Variants in RAB30 observed in about 807,000 individuals in gnomAD.
RAB30 encodes the protein RAB30, member RAS oncogene family.
RAB30 carries 9 observed loss-of-function variants against 25.1 expected under a neutral mutation model. The observed-to-expected ratio is 0.36, with a 90% CI of 0.22 to 0.63. The LOEUF (loss-of-function observed/expected upper bound fraction) is 0.63, where lower values mean the gene tolerates loss of function less well. Among genes scored for constraint, RAB30 ranks in the 20% least tolerant of loss-of-function variants. The probability of loss-of-function intolerance (pLI) is 0.69; values close to 1 mark genes in which losing one functional copy is unlikely to be tolerated. For synonymous variants in RAB30, 77 were observed against 86.4 expected (o/e 0.89, Z 0.60); for missense variants, 140 against 243.5 (o/e 0.58, Z 2.83).
chr11:83,002,302 C>T (rs972042505), intron 1 of RAB30, among the ~76,000 whole-genome samples: 2 of 152,184 alleles, frequency 1.3e-5, no homozygotes, highest in African/African-American at 2.4e-5. Context: ...TGCTCCTCAC[C>T]GTGCCCTCCA....
In RAB30 at chr11:83,045,304, T is replaced by C. The variant is rs572511099; in HGVS notation, c.-9+26387A>G. 5.9e-5 allele frequency among the ~76,000 whole-genome samples: 9 copies of C among 152,100 alleles called. No individual in the cohort carries two copies. The East Asian group carries it at 1.3e-3, about 23-fold the overall frequency. On this transcript the variant is annotated intron_variant, in intron 1 of 4. Coordinates refer to ENST00000527633, the MANE Select transcript of RAB30 (RefSeq NM_001286060.2). ...TCCACAACTGTGCCCATATATATAT[T>C]TTTTTTCCTAGAGATAAGATCTTGC...
At chr11:83,055,373 G>A (rs1858437019) in intron 1 of RAB30, among the ~76,000 whole-genome samples, 1 of 152,220 alleles carries the variant, frequency 6.6e-6, no homozygotes, top group Non-Finnish European at 1.5e-5. Flanking sequence ...ATAGAACCAT[G>A]AACTTGGAGA....
intron 1 of RAB30, among the ~76,000 whole-genome samples, chr11:83,007,670 G>C (rs1857213458): frequency 6.6e-6 from 1 of 152,180 alleles, no homozygotes; most frequent in East Asian, 1.9e-4. Flanking sequence ...GAAGGGAAGA[G>C]GCCACCGCTT....
At chr11:83,029,636 A>G (rs923316234) in intron 1 of RAB30, among the ~76,000 whole-genome samples, 5 of 152,140 alleles carry the variant, frequency 3.3e-5, no homozygotes, top group Admixed American at 1.3e-4. Flanking sequence ...ACTCATCTCT[A>G]TATTATTCAT....
intron 2 of RAB30, among the ~76,000 whole-genome samples, chr11:82,996,900 T>C (rs1856969524): frequency 1.3e-5 from 2 of 152,218 alleles, no homozygotes; most frequent in Non-Finnish European, 2.9e-5. Context: ...TGGGGATTAT[T>C]AATTAGTAAC....
At chr11:82,996,470 A>G (rs1856961257) in intron 2 of RAB30, among the ~76,000 whole-genome samples, 1 of 152,230 alleles carries the variant, frequency 6.6e-6, no homozygotes, top group Admixed American at 6.5e-5. Context: ...CAAGTACTTT[A>G]TGAAAATTCA....
intron 1 of RAB30, among the ~76,000 whole-genome samples, chr11:83,022,376 C>G (rs1434226569): frequency 6.6e-6 from 1 of 152,176 alleles, no homozygotes; most frequent in African/African-American, 2.4e-5. Context: ...CCAGGCTGGT[C>G]TTGAACTCCT....
chr11:83,016,896 C>T (rs1418033819), intron 1 of RAB30, among the ~76,000 whole-genome samples: 3 of 152,194 alleles, frequency 2.0e-5, no homozygotes, highest in Admixed American at 6.6e-5. Context: ...TTTATGTGTG[C>T]ACATCTGGCT....
chr11:83,032,281 C>G (rs992361066), intron 1 of RAB30, among the ~76,000 whole-genome samples: 1 of 152,094 alleles, frequency 6.6e-6, no homozygotes, highest in Non-Finnish European at 1.5e-5. Context: ...GTGCTTGCTT[C>G]TTGGTTTTTT....
chr11:82,992,277 T>G (rs1335309601), intron 3 of RAB30: 1 of 456,172 alleles, frequency 2.2e-6, no homozygotes, highest in African/African-American at 2.0e-5. Context: ...ACACTATTTT[T>G]GTTCACTTTT....
chr11:83,062,134 T>G (rs1465147314), intron 1 of RAB30, among the ~76,000 whole-genome samples: 3 of 152,142 alleles, frequency 2.0e-5, no homozygotes, highest in Non-Finnish European at 4.4e-5. Context: ...ATAGTTTTGG[T>G]TTCAGAAAGC....
rs190652641 is a variant in RAB30 at position 83,011,877 on chromosome 11, G to A, written c.-8-14553C>T. 8.2e-4 allele frequency among the ~76,000 whole-genome samples: 124 copies of A among 152,106 alleles called. 2 individuals carry two copies. Among genetic ancestry groups the A allele is most frequent in the Middle Eastern group, 3.4e-3 (1 of 294 alleles). On this transcript the variant is annotated intron_variant, in intron 1 of 4. Transcript: ENST00000527633. ...CCATTCTGCTGCCAAATGCAATGCA[G>A]ACCATCACAGGCCTAATGTGCACCC...
chr11:82,996,017 T>C (rs1470048595), intron 2 of RAB30, among the ~76,000 whole-genome samples: 1 of 152,224 alleles, frequency 6.6e-6, no homozygotes, highest in East Asian at 1.9e-4. Context: ...ATATGACTAA[T>C]GTTAGGTAGA....
chr11:82,982,186 C>G lies in RAB30; in HGVS notation c.591G>C (p.Leu197Phe). Reference protein sequence around the residue: ...LPGEGKSISYLTCCNFN With the variant: ...LPGEGKSISYFTCCNFN ...GCCTTTAGTTGAAATTACAACAAGT[C>G]AAATAGCTGATGCTTTTCCCTTCTC... Residue 197 changes from leucine to phenylalanine, a missense_variant, in exon 5 of 5, where the codon TTG becomes TTC. Coordinates refer to ENST00000527633, the MANE Select transcript of RAB30 (RefSeq NM_001286060.2). 6.2e-7 allele frequency: 1 copy of G among 1,614,174 alleles called. No homozygotes were observed. The highest frequency in any genetic ancestry group is 8.5e-7 in the Non-Finnish European group (1 of 1,180,040).
chr11:83,031,433 C>G (rs1857855854), intron 1 of RAB30, among the ~76,000 whole-genome samples: 1 of 152,122 alleles, frequency 6.6e-6, no homozygotes, highest in Non-Finnish European at 1.5e-5. Flanking sequence ...CCCCATCTTT[C>G]CAATATATTA....
Position 82,973,765 on chromosome 11 carries a change from AAG to A in RAB30, c.*8398_*8399del, listed in dbSNP as rs1338928257. On this transcript the variant is annotated 3_prime_UTR_variant, in exon 5 of 5. Transcript: ENST00000527633. ...TTGATTTGTCAGACTAATTGTTTTT[AAG>A]AGAGATGTGAAAACATACACCCATA... The A allele has an allele frequency of 3.3e-5, 5 of 152,218 alleles. No individual in the cohort carries two copies. Among genetic ancestry groups the A allele is most frequent in the Non-Finnish European group, 5.9e-5 (4 of 68,016 alleles). The allele number at this position is 152,218 out of a possible 1,614,324, so 9.4% of individuals were successfully genotyped here. A position where few individuals can be genotyped will look rare whatever the true frequency, so the allele number is the denominator to read the frequency against.
In RAB30 at chr11:82,982,104, C is replaced by T. The variant is rs1031837819; in HGVS notation, c.*61G>A. 1.2e-4 allele frequency: 185 copies of T among 1,602,556 alleles called. 1 individual carries two copies. The highest frequency in any genetic ancestry group is 3.4e-4 in the Admixed American group (20 of 59,676). ...GAGCCACAGTCATCGCCAGATCTCC[C>T]CAGCATCTCATGGCCCATCAGGGCA... On this transcript the variant is annotated 3_prime_UTR_variant, in exon 5 of 5. Transcript: ENST00000527633.
chr11:82,973,598 A>G lies in RAB30; in HGVS notation c.*8567T>C, dbSNP rs768401933. On this transcript the variant is annotated 3_prime_UTR_variant, in exon 5 of 5. Coordinates refer to ENST00000527633, the MANE Select transcript of RAB30 (RefSeq NM_001286060.2). The stretch of plus-strand genomic sequence containing the variant: ...CTTATCACATCTAAATGACAGGCTC[A>G]TAGAAAAATTCTTATGGATGTATTG... 1 of 152,234 alleles carries G rather than the reference A, an allele frequency of 6.6e-6. No individual in the cohort carries two copies. The highest frequency in any genetic ancestry group is 1.5e-5 in the Non-Finnish European group (1 of 68,026). 9.4% of individuals were successfully genotyped at this position (152,234 alleles called of 1,614,324 possible).
At chr11:82,995,094 A>G (rs1400159586) in intron 2 of RAB30, among the ~76,000 whole-genome samples, 1 of 152,266 alleles carries the variant, frequency 6.6e-6, no homozygotes, top group Non-Finnish European at 1.5e-5. Context: ...GAGTAGCAAG[A>G]AATTCTGTCA....
Sources: allele counts gnomAD v4.1 joint callset (sites outside exome capture counted in the v4.1 genomes callset), GRCh38; gene constraint gnomAD v4.1.1; transcripts MANE v1.5; gene names NCBI Gene and HGNC (gene_info 2026-07-23, HGNC 2026-07-21).